Variants in PTAR1 observed in about 807,000 individuals in gnomAD.
The protein encoded by PTAR1 is protein prenyltransferase alpha subunit repeat-containing protein 1.
Under a neutral mutation model 45.5 loss-of-function variants are expected in PTAR1, and 17 were observed. The ratio of observed to expected loss-of-function variants is 0.37; its 90% CI spans 0.26 to 0.56. The LOEUF (loss-of-function observed/expected upper bound fraction) is 0.56, where lower values mean the gene tolerates loss of function less well. Among genes scored for constraint, PTAR1 ranks in the 20% least tolerant of loss-of-function variants. The probability of loss-of-function intolerance (pLI) is 0.77; values close to 1 mark genes in which losing one functional copy is unlikely to be tolerated. For synonymous variants in PTAR1, 169 were observed against 171.3 expected, an observed-to-expected ratio of 0.99 and a Z score of 0.11; for missense variants, 391 against 476.3, an observed-to-expected ratio of 0.82 and a Z score of 1.67.
At position 69,734,188 on chromosome 9, in the gene PTAR1, T is replaced by G. The variant is rs139747326; in HGVS notation, c.390A>C (p.Leu130Phe). Residue 130 changes from leucine (L) to phenylalanine (F), a missense_variant, in exon 4 of 8, where the codon TTA becomes TTC. This residue lies in a region of PTAR1 where 152 missense variants were observed against 160.0 expected (regional missense o/e 0.95). Transcript: ENST00000340434. ...IKDLHLGKLA[L>F]TKFPKSPETW... ...TTTCTGGACTCTTTGGAAACTTGGT[T>G]AAGGCGAGTTTTCCCAGATGTAAAT... 6,899 of 1,593,528 alleles carry G rather than the reference T, an allele frequency of 4.3e-3. 39 individuals carry two copies. The highest frequency in any genetic ancestry group is 4.4e-3 in the Non-Finnish European group (5,179 of 1,169,796).
intron 2 of PTAR1, among the ~76,000 whole-genome samples, chr9:69,742,866 CTATTTA>C (rs1477622817): frequency 2.6e-5 from 4 of 152,050 alleles, no homozygotes; most frequent in South Asian, 2.1e-4. Flanking sequence ...CATCCATTAG[CTATTTA>C]TATTTATGAC....
At chr9:69,757,481 C>T (rs1230755251) in intron 1 of PTAR1, 1 of 152,082 alleles carries the variant, frequency 6.6e-6, no homozygotes, top group Non-Finnish European at 1.5e-5. Flanking sequence ...TTTCATCAGC[C>T]TCACAAGATC....
chr9:69,714,647 C>T lies in PTAR1; in HGVS notation c.*3695G>A, dbSNP rs145642141. ...ATAAAAATCCAAAAACTTTTGTTTC[C>T]GTATCTTGTATCACATAAGCCCTTA... On this transcript the variant is annotated 3_prime_UTR_variant, in exon 8 of 8. Transcript: ENST00000340434. 2.0e-5 allele frequency: 3 copies of T among 152,130 alleles called. No homozygotes were observed. The highest frequency in any genetic ancestry group is 1.9e-4 in the East Asian group (1 of 5,174). The allele number at this position is 152,130 out of a possible 1,614,324, so 9.4% of individuals were successfully genotyped here.
At chr9:69,733,966 TTAAG>T (rs1825664546) in intron 4 of PTAR1, among the ~76,000 whole-genome samples, 180 bp downstream of exon 4, 1 of 151,976 alleles carries the variant, frequency 6.6e-6, no homozygotes, top group Admixed American at 6.6e-5. Flanking sequence ...GCTTGGTGAG[TTAAG>T]TAATTTCCCA....
intron 2 of PTAR1, among the ~76,000 whole-genome samples, chr9:69,746,419 C>T (rs1249990414): frequency 2.0e-5 from 3 of 152,192 alleles, no homozygotes; most frequent in Non-Finnish European, 4.4e-5. Flanking sequence ...CACTCTACCA[C>T]ACTACAGGCA....
intron 1 of PTAR1, among the ~76,000 whole-genome samples, chr9:69,751,412 TAA>T (rs1490115153): frequency 2.0e-5 from 3 of 151,212 alleles, no homozygotes; most frequent in East Asian, 3.9e-4. Context: ...TATGCTGACA[TAA>T]AAAAAGTTGC....
chr9:69,735,939 T>TATATATATAATATATATATAAA (rs1242438586), intron 3 of PTAR1, among the ~76,000 whole-genome samples: 1 of 148,764 alleles, frequency 6.7e-6, no homozygotes, highest in East Asian at 1.9e-4. Flanking sequence ...TTTGTCATTA[T>TATATATATAATATATATATAAA]ATATATATAA....
intron 5 of PTAR1, among the ~76,000 whole-genome samples, chr9:69,731,371 C>G (rs952660536): frequency 6.6e-6 from 1 of 152,124 alleles, no homozygotes; most frequent in African/African-American, 2.4e-5. Flanking sequence ...ACCCTAGATT[C>G]TTATGGCACT....
At chr9:69,728,000 ACTAACCTG>A (rs1825364553) in intron 5 of PTAR1, among the ~76,000 whole-genome samples, 1 of 152,146 alleles carries the variant, frequency 6.6e-6, no homozygotes. Flanking sequence ...TCTGGCACCC[ACTAACCTG>A]CTTTGCCTAT....
At position 69,723,592 on chromosome 9, in the gene PTAR1, T is replaced by C; in HGVS notation, c.681A>G (p.Ala227=). The C allele has an allele frequency of 1.2e-6, 2 of 1,613,696 alleles. No homozygotes were observed. Among genetic ancestry groups the C allele is most frequent in the Non-Finnish European group, 8.5e-7 (1 of 1,179,680 alleles). ...CACTGTGGTCTGAAACGTGCATAGATGCCCAATGTTTAGTAGAAGATAGTT... is the reference window on the plus strand; with the variant it reads ...CACTGTGGTCTGAAACGTGCATAGACGCCCAATGTTTAGTAGAAGATAGTT... ...LDELSSTKHW[A]SMHVSDHSGF... Residue 227 remains alanine, a synonymous_variant, in exon 6 of 8, where the codon GCA becomes GCG. Transcript: ENST00000340434.
In PTAR1 at chr9:69,723,505, A is replaced by T. The variant is rs1250072545; in HGVS notation, c.768T>A (p.Ser256=). The stretch of plus-strand genomic sequence containing the variant: ...TTCTCAAAGGATTTTGCTCCATCAC[A>T]GAACTGTCTATCACAGTTTGGCTAA... ...SLISQTVIDS[S]VMEQNPLRSE... The change falls in exon 6 of 8, where the codon TCT becomes TCA. Residue 256 remains serine, a synonymous_variant. Transcript: ENST00000340434. 6 of 1,613,908 alleles carry T rather than the reference A, an allele frequency of 3.7e-6. No individual in the cohort carries two copies. Among genetic ancestry groups the T allele is most frequent in the Non-Finnish European group, 5.1e-6 (6 of 1,179,832 alleles).
At chr9:69,738,115 A>C (rs933913540) in intron 3 of PTAR1, among the ~76,000 whole-genome samples, 1 of 152,166 alleles carries the variant, frequency 6.6e-6, no homozygotes, top group African/African-American at 2.4e-5. Context: ...TTGGCTACTC[A>C]AATTTACCTT....
At chr9:69,728,974 A>C (rs1588454417) in intron 5 of PTAR1, among the ~76,000 whole-genome samples, 1 of 152,282 alleles carries the variant, frequency 6.6e-6, no homozygotes, top group South Asian at 2.1e-4. Flanking sequence ...GCACTGTTTC[A>C]AACACTTTAA....
At chr9:69,754,248 T>G (rs1826660049) in intron 1 of PTAR1, among the ~76,000 whole-genome samples, 1 of 152,112 alleles carries the variant, frequency 6.6e-6, no homozygotes, top group Non-Finnish European at 1.5e-5. Flanking sequence ...TTTCATCTGA[T>G]GAGGAAACTG....
rs906338502 is a variant in PTAR1, at chr9:69,713,012, C to T, written c.*5330G>A. ...ATATTTTTGCCTTTTCTTTTTGCCA[C>T]TGAATATAAAATTTGTCCTGAATTT... On this transcript the variant is annotated 3_prime_UTR_variant, in exon 8 of 8. Transcript: ENST00000340434. The T allele has an allele frequency of 1.3e-5, 2 of 152,032 alleles. No homozygotes were observed. The highest frequency in any genetic ancestry group is 4.8e-5 in the African/African-American group (2 of 41,408). 9.4% of individuals were successfully genotyped at this position (152,032 alleles called of 1,614,324 possible). A position where few individuals can be genotyped will look rare whatever the true frequency, so the allele number is the denominator to read the frequency against.
At chr9:69,744,764 G>A (rs985412731) in intron 2 of PTAR1, among the ~76,000 whole-genome samples, 1 of 152,030 alleles carries the variant, frequency 6.6e-6, no homozygotes, top group Non-Finnish European at 1.5e-5. Context: ...TTTTTTGCAC[G>A]CAGGTCCTCT....
At chr9:69,737,996 G>T (rs1293888676) in intron 3 of PTAR1, among the ~76,000 whole-genome samples, 1 of 152,028 alleles carries the variant, frequency 6.6e-6, no homozygotes, top group East Asian at 1.9e-4. Flanking sequence ...TTTATTAAAA[G>T]TCCATACTTT....
chr9:69,736,695 T>C (rs1303438188), intron 3 of PTAR1, among the ~76,000 whole-genome samples: 1 of 152,142 alleles, frequency 6.6e-6, no homozygotes, highest in Non-Finnish European at 1.5e-5. Context: ...CAAAATTTTC[T>C]TCAAAAAAGA....
intron 1 of PTAR1, chr9:69,757,085 A>T (rs1826813358): frequency 1.3e-5 from 2 of 152,192 alleles, no homozygotes; most frequent in Admixed American, 6.5e-5. Flanking sequence ...TTAAACTTCT[A>T]TTTCACACAG....
Sources: allele counts gnomAD v4.1 joint callset (sites outside exome capture counted in the v4.1 genomes callset), GRCh38; gene constraint gnomAD v4.1.1; regional missense constraint gnomAD v4.1.1; transcripts MANE v1.5; gene names NCBI Gene and HGNC (gene_info 2026-07-23, HGNC 2026-07-21).